Variants in TMPRSS15 observed in about 807,000 individuals in gnomAD.
TMPRSS15 encodes enteropeptidase.
TMPRSS15 carries 128 observed loss-of-function variants against 125.3 expected under a neutral mutation model. That is an observed-to-expected ratio of 1.02 (90% CI 0.89 to 1.18). The LOEUF is 1.18. Ranked by LOEUF, TMPRSS15 falls within the 50% of genes most tolerant of loss-of-function variation. The probability of loss-of-function intolerance (pLI) is 0.00; values close to 1 mark genes in which losing one functional copy is unlikely to be tolerated. For synonymous variants in TMPRSS15, 446 were observed against 423.2 expected, an observed-to-expected ratio of 1.05 and a Z score of -0.66; for missense variants, 1,283 against 1,212.7, an observed-to-expected ratio of 1.06 and a Z score of -0.86.
intron 5 of TMPRSS15, among the ~76,000 whole-genome samples, chr21:18,377,906 T>C (rs1334203473): frequency 6.6e-6 from 1 of 152,178 alleles, no homozygotes; most frequent in East Asian, 1.9e-4. Flanking sequence ...CTTTATACTT[T>C]TAACAGGTAT....
chr21:18,369,355 T>C (rs551223381), intron 6 of TMPRSS15, among the ~76,000 whole-genome samples: 1 of 152,310 alleles, frequency 6.6e-6, no homozygotes, highest in African/African-American at 2.4e-5. Flanking sequence ...ATACAAACTA[T>C]GAGAACACTT....
Position 18,471,446 on chromosome 21 carries a change from G to A in TMPRSS15, c.10+14353C>T, listed in dbSNP as rs1194471347. Among the ~76,000 whole-genome samples the A allele has an allele frequency of 2.0e-5, 3 of 149,642 alleles. No individual in the cohort carries two copies. The South Asian group carries it at 6.4e-4, about 32-fold the overall frequency. On this transcript the variant is annotated intron_variant, in intron 1 of 7. Transcript: ENST00000422787. ...CTATTTATTGTTGTAATTCCTGGAG[G>A]GATTGCTGTCTTCTTAATCTTTCAG...
chr21:18,373,517 A>G (rs1210936789), intron 5 of TMPRSS15, among the ~76,000 whole-genome samples: 2 of 152,202 alleles, frequency 1.3e-5, no homozygotes, highest in Non-Finnish European at 2.9e-5. Context: ...CTATTCATCA[A>G]AAGTCCTTAA....
intron 23 of TMPRSS15, among the ~76,000 whole-genome samples, chr21:18,277,096 A>G (rs2074631554): frequency 6.6e-6 from 1 of 152,066 alleles, no homozygotes; most frequent in African/African-American, 2.4e-5. Context: ...AATTAAGTAG[A>G]TGGAAGTCAT....
At chr21:18,353,924 TC>T (rs2075599087) in intron 8 of TMPRSS15, 61 bp from the exon 9 acceptor site, 2 of 1,472,820 alleles carry the variant, frequency 1.4e-6, no homozygotes, top group Non-Finnish European at 9.5e-7. Context: ...TCTCTATCCA[TC>T]CATCAGTCCA....
At chr21:18,317,835 A>C (rs1165467667) in intron 16 of TMPRSS15, among the ~76,000 whole-genome samples, 1 of 92,836 alleles carries the variant, frequency 1.1e-5, no homozygotes, top group Non-Finnish European at 2.0e-5. Flanking sequence ...ATCCCATCCT[A>C]TTCCATCCCA....
chr21:18,416,091 G>T (rs184539022), intron 1 of TMPRSS15, among the ~76,000 whole-genome samples: 2 of 151,912 alleles, frequency 1.3e-5, no homozygotes, highest in East Asian at 3.9e-4. Flanking sequence ...AAGCGTGGGG[G>T]TGAAATACTT....
At chr21:18,326,187 A>C (rs1271029803) in intron 16 of TMPRSS15, among the ~76,000 whole-genome samples, 4 of 151,858 alleles carry the variant, frequency 2.6e-5, no homozygotes, top group African/African-American at 9.7e-5. Context: ...AAAATTCAAC[A>C]CTCCTTACAC....
At chr21:18,424,624 T>C (rs765798656) in intron 1 of TMPRSS15, among the ~76,000 whole-genome samples, 10 of 152,106 alleles carry the variant, frequency 6.6e-5, no homozygotes, top group Non-Finnish European at 1.2e-4. Context: ...AGCAAAGTAA[T>C]GCCAACTCTG....
chr21:18,275,077 T>C (rs2074603491), intron 24 of TMPRSS15, 120 bp downstream of exon 24: 1 of 1,374,748 alleles, frequency 7.3e-7, no homozygotes, highest in Admixed American at 1.7e-5. Flanking sequence ...AAAGTAACAG[T>C]TTTGTAAAAG....
At chr21:18,467,255 C>T (rs1028036570) in intron 1 of TMPRSS15, among the ~76,000 whole-genome samples, 2 of 151,746 alleles carry the variant, frequency 1.3e-5, no homozygotes, top group South Asian at 2.1e-4. Context: ...CAGGGCCTGT[C>T]GATGGGTAGG....
chr21:18,294,363 C>T lies in TMPRSS15; in HGVS notation c.2393G>A (p.Trp798Ter). The T allele has an allele frequency of 6.2e-7, 1 of 1,614,252 alleles. No homozygotes were observed. The highest frequency in any genetic ancestry group is 8.5e-7 in the Non-Finnish European group (1 of 1,180,048). The change falls in exon 21 of 25, where the codon TGG becomes TAG. Residue 798 changes from tryptophan (W) to a stop codon, truncating the protein, a stop_gained. Transcript: ENST00000284885. LOFTEE classifies it high-confidence loss of function. ...GSNAKEGAWP[W>*]VVGLYYGGRL... is the part of the protein sequence containing the mutation. ...GCCGCCATAATACAGACCCACAACC[C>T]AGGGCCAGGCCCCTTCTTTGGCATT...
At position 18,269,855 on chromosome 21, in the gene TMPRSS15, G is replaced by GA; in HGVS notation, c.*113dup. ...CCTAGCATTTCATTGACATAGGTAA[G>GA]AATAAAAACCTTTGGTAACTTTTTA... On this transcript the variant is annotated 3_prime_UTR_variant, in exon 25 of 25. Transcript: ENST00000284885. 1 of 1,346,966 alleles carries GA rather than the reference G, an allele frequency of 7.4e-7. No individual in the cohort carries two copies. Among genetic ancestry groups the GA allele is most frequent in the Non-Finnish European group, 1.0e-6 (1 of 969,100 alleles). 83.4% of individuals were successfully genotyped at this position (1,346,966 alleles called of 1,614,324 possible). A position where few individuals can be genotyped will look rare whatever the true frequency, so the allele number is the denominator to read the frequency against.
At chr21:18,347,309 C>A (rs879470413) in intron 10 of TMPRSS15, among the ~76,000 whole-genome samples, 2 of 152,064 alleles carry the variant, frequency 1.3e-5, no homozygotes, top group Non-Finnish European at 2.9e-5. Flanking sequence ...AATCTTGGTT[C>A]ATTGCAACCT....
At chr21:18,307,985 G>A (rs1464436116) in intron 18 of TMPRSS15, among the ~76,000 whole-genome samples, 1 of 152,134 alleles carries the variant, frequency 6.6e-6, no homozygotes, top group Non-Finnish European at 1.5e-5. Flanking sequence ...TCTGGGCAGG[G>A]AAAGCCCAGT....
intron 1 of TMPRSS15, among the ~76,000 whole-genome samples, chr21:18,473,696 A>G (rs1978822651): frequency 6.6e-6 from 1 of 152,062 alleles, no homozygotes; most frequent in Non-Finnish European, 1.5e-5. Context: ...GAGAAGGTAA[A>G]ATTGGTTGTG....
chr21:18,335,545 A>G (rs2075383560), intron 13 of TMPRSS15, among the ~76,000 whole-genome samples: 1 of 152,236 alleles, frequency 6.6e-6, no homozygotes, highest in African/African-American at 2.4e-5. Context: ...GGATTTCGCC[A>G]CTAAACACAA....
Position 18,315,375 on chromosome 21 carries a change from C to G in TMPRSS15, c.1922-119G>C. 4 of 794,212 alleles carry G rather than the reference C, an allele frequency of 5.0e-6. No homozygotes were observed. In the East Asian group the frequency reaches 8.0e-5, roughly 16 times the overall value. 49.2% of individuals were successfully genotyped at this position (794,212 alleles called of 1,614,324 possible). On this transcript the variant is annotated intron_variant, in intron 16 of 24. Coordinates refer to ENST00000284885, the MANE Select transcript of TMPRSS15 (RefSeq NM_002772.3). The stretch of plus-strand genomic sequence containing the variant: ...TCCTTTGCCACAGCTCAAGGTGGAA[C>G]CAGCTTTGATACTGAGTAAATGAGA...
chr21:18,476,021 G>A (rs1310568328), intron 1 of TMPRSS15, among the ~76,000 whole-genome samples: 1 of 152,130 alleles, frequency 6.6e-6, no homozygotes, highest in African/African-American at 2.4e-5. Flanking sequence ...GGTAAGTTAA[G>A]TATTAATGAG....
Sources: allele counts gnomAD v4.1 joint callset (sites outside exome capture counted in the v4.1 genomes callset), GRCh38; gene constraint gnomAD v4.1.1; transcripts MANE v1.5; gene names NCBI Gene and HGNC (gene_info 2026-07-23, HGNC 2026-07-21).